The following SHLD2 variants were observed in gnomAD, a reference collection of about 807,000 sequenced individuals.
SHLD2 encodes RINN1-REV7-interacting novel NHEJ regulator 2.
SHLD2 carries 30 observed loss-of-function variants against 73.2 expected under a neutral mutation model. That is an observed-to-expected ratio of 0.41 (90% CI 0.31 to 0.56). The LOEUF (loss-of-function observed/expected upper bound fraction) is 0.56. Among genes scored for constraint, SHLD2 ranks in the 20% least tolerant of loss-of-function variants. SHLD2 has a pLI of 0.28. For synonymous variants in SHLD2, 285 were observed against 370.1 expected (o/e 0.77, Z 2.64); for missense variants, 745 against 1,055.9 (o/e 0.71, Z 4.08).
intron 8 of SHLD2, among the ~76,000 whole-genome samples, chr10:87,181,983 G>A (rs2134710452): frequency 1.3e-5 from 2 of 151,952 alleles, no homozygotes; most frequent in Non-Finnish European, 2.9e-5. Flanking sequence ...GGTCAGGCTG[G>A]TCTCGAACTC....
intron 2 of SHLD2, among the ~76,000 whole-genome samples, chr10:87,130,351 G>A (rs924735257): frequency 6.9e-6 from 1 of 144,464 alleles, no homozygotes; most frequent in African/African-American, 2.6e-5. Context: ...GGGAGAGTGA[G>A]GGAAGTAGGG....
chr10:87,187,022 A>G (rs1848663254), intron 8 of SHLD2, 63 bp from the exon 9 acceptor site: 1 of 1,066,370 alleles, frequency 9.4e-7, no homozygotes, highest in African/African-American at 1.6e-5. Flanking sequence ...ATTATTTTTC[A>G]TTTAAGCATT....
chr10:87,117,466 T>G (rs897445390), intron 2 of SHLD2, among the ~76,000 whole-genome samples: 3 of 151,414 alleles, frequency 2.0e-5, no homozygotes, highest in African/African-American at 7.3e-5. Flanking sequence ...AGATAAGAGA[T>G]AAGGAAAATT....
chr10:87,133,893 T>A (rs551512710), intron 2 of SHLD2, among the ~76,000 whole-genome samples: 1 of 152,368 alleles, frequency 6.6e-6, no homozygotes, highest in South Asian at 2.1e-4. Context: ...TTGCTCCCTA[T>A]CATTGTTTTA....
chr10:87,152,779 A>G lies in SHLD2; in HGVS notation c.1425A>G (p.Thr475=). 1.9e-6 allele frequency: 3 copies of G among 1,611,912 alleles called. No homozygotes were observed. The highest frequency in any genetic ancestry group is 1.1e-5 in the South Asian group (1 of 90,946). The part of the protein sequence containing the change: ...SGSKVPLATV[T]VIDQSETKKK... The stretch of plus-strand genomic sequence containing the variant: ...CTAAAGTGCCTTTAGCAACAGTTAC[A>G]GTAATTGATCAATCAGAAACTAAGA... Residue 475 remains threonine, a synonymous_variant, in exon 3 of 10, where the codon ACA becomes ACG. Transcript: ENST00000298786.
rs193163085 is a variant in SHLD2, at chr10:87,146,564, G to T, written c.-5-4786G>T. 3.5e-3 allele frequency among the ~76,000 whole-genome samples: 525 copies of T among 151,692 alleles called. 4 individuals carry two copies. Among genetic ancestry groups the T allele is most frequent in the African/African-American group, 0.012 (500 of 41,416 alleles). Reference sequence around the variant, plus strand: ...CCACCTTGGCCTCCCAAAGTGCTGGGATTATAAGCTTGAGCCACCGCGCCC... The same window carrying T: ...CCACCTTGGCCTCCCAAAGTGCTGGTATTATAAGCTTGAGCCACCGCGCCC... On this transcript the variant is annotated intron_variant, in intron 2 of 9. Transcript: ENST00000298786.
Position 87,157,281 on chromosome 10 carries a change from A to G in SHLD2, c.1526-767A>G, listed in dbSNP as rs1288257650. ...ATCTGTAAGTAATCACTTGGAATTTATACATCCTTGGTTTTCTTTCCTATT... is the reference window on the plus strand; with the variant it reads ...ATCTGTAAGTAATCACTTGGAATTTGTACATCCTTGGTTTTCTTTCCTATT... On this transcript the variant is annotated intron_variant, in intron 3 of 9. Transcript: ENST00000298786. Among the ~76,000 whole-genome samples the G allele has an allele frequency of 1.2e-4, 19 of 152,306 alleles. No homozygotes were observed. The East Asian group carries it at 1.7e-3, about 14-fold the overall frequency.
chr10:87,104,902 G>A (rs183018107), intron 2 of SHLD2, among the ~76,000 whole-genome samples: 3 of 151,952 alleles, frequency 2.0e-5, no homozygotes, highest in East Asian at 1.9e-4. Flanking sequence ...CTTGTGATCC[G>A]CCTGCCTCCG....
At chr10:87,128,064 T>A (rs548488512) in intron 2 of SHLD2, among the ~76,000 whole-genome samples, 1 of 152,192 alleles carries the variant, frequency 6.6e-6, no homozygotes, top group South Asian at 2.1e-4. Flanking sequence ...TTTTTAACCT[T>A]AATTTTTTTT....
intron 2 of SHLD2, among the ~76,000 whole-genome samples, chr10:87,112,651 A>G (rs929310481): frequency 2.6e-5 from 4 of 151,376 alleles, no homozygotes; most frequent in Admixed American, 6.6e-5. Context: ...AATAAATGAT[A>G]ATAATAATAA....
At chr10:87,183,635 A>G (rs568438421) in intron 8 of SHLD2, among the ~76,000 whole-genome samples, 1 of 152,224 alleles carries the variant, frequency 6.6e-6, no homozygotes, top group East Asian at 1.9e-4. Context: ...TCTCTCCCCT[A>G]TTATGTCTTC....
chr10:87,135,597 G>A lies in SHLD2; in HGVS notation c.-5-15753G>A, dbSNP rs144164260. On this transcript the variant is annotated intron_variant, in intron 2 of 9. Coordinates refer to ENST00000298786, the MANE Select transcript of SHLD2 (RefSeq NM_001330112.2). ...AGCCTTGAACTCCTGGGCTCAACGCGATCCACCCTCCTTAGCTTCCTGAGT... is the reference window on the plus strand; with the variant it reads ...AGCCTTGAACTCCTGGGCTCAACGCAATCCACCCTCCTTAGCTTCCTGAGT... Among the ~76,000 whole-genome samples, 962 of 151,720 alleles carry A rather than the reference G, an allele frequency of 6.3e-3. 8 individuals carry two copies. Among genetic ancestry groups the A allele is most frequent in the African/African-American group, 0.022 (911 of 41,346 alleles).
chr10:87,116,540 G>A (rs1181001168), intron 2 of SHLD2, among the ~76,000 whole-genome samples: 1 of 152,154 alleles, frequency 6.6e-6, no homozygotes, highest in Non-Finnish European at 1.5e-5. Context: ...GGTGGCAGGT[G>A]AGAATTCGGG....
intron 2 of SHLD2, among the ~76,000 whole-genome samples, chr10:87,141,704 T>G (rs1316173174): frequency 6.6e-6 from 1 of 152,100 alleles, no homozygotes; most frequent in Non-Finnish European, 1.5e-5. Flanking sequence ...ACTGCTCTGA[T>G]TGGATCATTA....
upstream of SHLD2, chr10:87,095,011 C>T (rs1168955682): frequency 4.0e-5 from 6 of 148,322 alleles, no homozygotes; most frequent in South Asian, 2.1e-4. Flanking sequence ...GCCTCGCTGG[C>T]GGCAGCGCGC....
intron 2 of SHLD2, among the ~76,000 whole-genome samples, chr10:87,099,435 C>T (rs1002718813): frequency 4.6e-5 from 7 of 152,198 alleles, no homozygotes; most frequent in South Asian, 2.1e-4. Flanking sequence ...CCTTTGTGAC[C>T]GTCTTCTTTC....
intron 6 of SHLD2, among the ~76,000 whole-genome samples, chr10:87,172,326 C>T (rs1847644986): frequency 6.6e-6 from 1 of 152,100 alleles, no homozygotes; most frequent in Non-Finnish European, 1.5e-5. Flanking sequence ...AAATTCCCAG[C>T]AAAGAGAATC....
chr10:87,104,604 G>T (rs1016190818), intron 2 of SHLD2, among the ~76,000 whole-genome samples: 3 of 150,006 alleles, frequency 2.0e-5, no homozygotes, highest in Non-Finnish European at 4.4e-5. Context: ...AAAGTAAAAA[G>T]AAAATGAAAA....
intron 2 of SHLD2, among the ~76,000 whole-genome samples, chr10:87,116,585 A>G (rs1843270946): frequency 8.1e-6 from 1 of 123,094 alleles, no homozygotes; most frequent in Non-Finnish European, 1.7e-5. Flanking sequence ...TGAAGGGGGG[A>G]TAAGGTCATC....
Sources: gnomAD v4.1 joint callset for allele counts (sites outside exome capture counted in the v4.1 genomes callset) on GRCh38, gnomAD v4.1.1 for gene constraint, MANE v1.5 for transcripts, NCBI Gene and HGNC (gene_info 2026-07-23, HGNC 2026-07-21) for gene names.